Variants in BBS9 observed in about 807,000 individuals in gnomAD.
BBS9 encodes Bardet-Biedl syndrome 9.
Under a neutral mutation model 117.7 loss-of-function variants are expected in BBS9, and 89 were observed. The ratio of observed to expected loss-of-function variants is 0.76; its 90% confidence interval spans 0.64 to 0.90. The LOEUF (loss-of-function observed/expected upper bound fraction) is 0.90. Ranked by LOEUF, BBS9 falls within the 40% of genes least tolerant of loss-of-function variation. The pLI is 0.00. For synonymous variants in BBS9, 379 were observed against 370.9 expected, an observed-to-expected ratio of 1.02 and a Z score of -0.25; for missense variants, 982 against 1,042.2, an observed-to-expected ratio of 0.94 and a Z score of 0.80.
At chr7:33,534,552 G>A (rs76222715) in intron 21 of BBS9, among the ~76,000 whole-genome samples, 3,458 of 152,312 alleles carry the variant, frequency 0.023, 115 homozygotes, top group African/African-American at 0.072. Context: ...AGCAACTAAT[G>A]TAATCCAGAT....
At chr7:33,565,130 T>C (rs1012954861) in intron 21 of BBS9, among the ~76,000 whole-genome samples, 3 of 152,134 alleles carry the variant, frequency 2.0e-5, no homozygotes, top group Admixed American at 1.3e-4. Context: ...AAAGATAACA[T>C]ATATGAAGTG....
chr7:33,625,292 T>C (rs1246988567), intron 21 of BBS9, among the ~76,000 whole-genome samples: 2 of 152,152 alleles, frequency 1.3e-5, no homozygotes, highest in Non-Finnish European at 2.9e-5. Context: ...AATAAAATTA[T>C]GAAAATGAGC....
intron 5 of BBS9, among the ~76,000 whole-genome samples, chr7:33,223,951 T>C (rs960034470): frequency 6.6e-6 from 1 of 152,258 alleles, no homozygotes; most frequent in East Asian, 1.9e-4. Flanking sequence ...TTAACATAGA[T>C]TGAAAGTTGA....
intron 19 of BBS9, among the ~76,000 whole-genome samples, chr7:33,415,876 C>G (rs957892235): frequency 2.0e-5 from 3 of 151,894 alleles, no homozygotes; most frequent in Non-Finnish European, 4.4e-5. Flanking sequence ...ATTCTGCCAC[C>G]CAGGCTGGAG....
At chr7:33,389,844 G>A (rs963658700) in intron 19 of BBS9, among the ~76,000 whole-genome samples, 1 of 152,036 alleles carries the variant, frequency 6.6e-6, no homozygotes, top group East Asian at 1.9e-4. Flanking sequence ...ATGGTTTTTG[G>A]CAATTCCCTT....
At chr7:33,500,449 AC>A (rs1192816525) in intron 19 of BBS9, among the ~76,000 whole-genome samples, 1 of 152,232 alleles carries the variant, frequency 6.6e-6, no homozygotes, top group East Asian at 1.9e-4. Flanking sequence ...CTTATTCATG[AC>A]CACAGGCAGT....
intron 5 of BBS9, among the ~76,000 whole-genome samples, chr7:33,204,289 C>T (rs940137672): frequency 6.6e-6 from 1 of 150,938 alleles, no homozygotes; most frequent in Non-Finnish European, 1.5e-5. Context: ...TACCTGTAAT[C>T]CCAGCTACTT....
intron 19 of BBS9, among the ~76,000 whole-genome samples, chr7:33,450,257 G>C (rs948003272): frequency 2.6e-5 from 4 of 152,102 alleles, no homozygotes; most frequent in African/African-American, 9.7e-5. Context: ...CCATACCCTA[G>C]TTTCTTTATT....
At chr7:33,170,041 CA>C (rs1796299642) in intron 4 of BBS9, among the ~76,000 whole-genome samples, 1 of 152,074 alleles carries the variant, frequency 6.6e-6, no homozygotes, top group South Asian at 2.1e-4. Context: ...GAACTGGTAC[CA>C]TTCCTTCTGA....
intron 19 of BBS9, among the ~76,000 whole-genome samples, chr7:33,388,372 A>T (rs1470900731): frequency 2.0e-5 from 3 of 152,294 alleles, no homozygotes; most frequent in South Asian, 2.1e-4. Flanking sequence ...CAGTTTCCAC[A>T]TATTACCTCC....
At chr7:33,570,283 C>T (rs765122120) in intron 21 of BBS9, among the ~76,000 whole-genome samples, 6 of 152,088 alleles carry the variant, frequency 3.9e-5, no homozygotes, top group South Asian at 2.1e-4. Flanking sequence ...GCTGAAAGTG[C>T]GCTCAAAAGA....
At chr7:33,290,011 A>G (rs1445369053) in intron 9 of BBS9, among the ~76,000 whole-genome samples, 2 of 151,594 alleles carry the variant, frequency 1.3e-5, no homozygotes, top group African/African-American at 4.9e-5. Context: ...GCACCACTGC[A>G]CTCCAGCCTG....
At chr7:33,156,318 A>G (rs1236989892) in intron 4 of BBS9, among the ~76,000 whole-genome samples, 1 of 152,128 alleles carries the variant, frequency 6.6e-6, no homozygotes, top group African/African-American at 2.4e-5. Flanking sequence ...TATTTCAATT[A>G]TTAGATAAGT....
At chr7:33,571,561 C>G (rs1211266830) in intron 21 of BBS9, among the ~76,000 whole-genome samples, 1 of 151,748 alleles carries the variant, frequency 6.6e-6, no homozygotes, top group Non-Finnish European at 1.5e-5. Context: ...TATTTTTTTG[C>G]CATATTTCTT....
intron 17 of BBS9, among the ~76,000 whole-genome samples, chr7:33,376,970 C>T (rs1241328807): frequency 6.6e-6 from 1 of 151,722 alleles, no homozygotes; most frequent in East Asian, 2.0e-4. Flanking sequence ...GCATAGTTTA[C>T]AAATATTTTC....
chr7:33,446,925 A>G (rs1350009922), intron 19 of BBS9, among the ~76,000 whole-genome samples: 3 of 152,216 alleles, frequency 2.0e-5, no homozygotes, highest in Non-Finnish European at 4.4e-5. Context: ...TGCTAGGCTC[A>G]TTTCACCCTA....
chr7:33,444,728 C>T (rs573089463), intron 19 of BBS9, among the ~76,000 whole-genome samples: 5 of 152,288 alleles, frequency 3.3e-5, no homozygotes, highest in South Asian at 2.1e-4. Context: ...CCCAGAACAT[C>T]GCATGATGGG....
intron 19 of BBS9, among the ~76,000 whole-genome samples, chr7:33,409,992 G>C (rs35720548): frequency 0.026 from 3,888 of 152,024 alleles, 73 homozygotes; most frequent in Middle Eastern, 0.044. Context: ...TTAAACCTTA[G>C]GAGTGCTATG....
chr7:33,275,379 C>A (rs1326526819), intron 9 of BBS9, among the ~76,000 whole-genome samples: 2 of 152,176 alleles, frequency 1.3e-5, no homozygotes, highest in Non-Finnish European at 2.9e-5. Context: ...TATTCATACT[C>A]ACCAGACATT....
Sources: allele counts gnomAD v4.1 joint callset (sites outside exome capture counted in the v4.1 genomes callset), GRCh38; gene constraint gnomAD v4.1.1; transcripts MANE v1.5; gene names NCBI Gene and HGNC (gene_info 2026-07-23, HGNC 2026-07-21).